Variants in PPL observed in about 807,000 individuals in gnomAD.
The protein encoded by PPL is periplakin.
Under a neutral mutation model 194.4 loss-of-function variants are expected in PPL, and 198 were observed. That is an observed-to-expected ratio of 1.02 (90% CI 0.91 to 1.15). PPL has a LOEUF of 1.15. PPL is among the 50% of genes most tolerant of loss of function. The pLI is 0.00. For synonymous variants in PPL, 1,220 were observed against 972.4 expected, an observed-to-expected ratio of 1.25 and a Z score of -4.74; for missense variants, 2,885 against 2,294.8, an observed-to-expected ratio of 1.26 and a Z score of -5.25.
chr16:4,936,021 C>T (rs1034401613), intron 1 of PPL, among the ~76,000 whole-genome samples: 14 of 152,186 alleles, frequency 9.2e-5, no homozygotes, highest in Admixed American at 2.6e-4. Flanking sequence ...AAGGCAGGGG[C>T]TGGATTCCCA....
At chr16:4,907,396 GTA>G (rs1277843030) in intron 2 of PPL, among the ~76,000 whole-genome samples, 1 of 151,878 alleles carries the variant, frequency 6.6e-6, no homozygotes, top group East Asian at 1.9e-4. Context: ...GACGTTCCTT[GTA>G]GGATCAGGTG....
At chr16:4,912,968 G>T (rs189574221) in intron 1 of PPL, among the ~76,000 whole-genome samples, 334 of 152,254 alleles carry the variant, frequency 2.2e-3, no homozygotes, top group Non-Finnish European at 4.0e-3. Flanking sequence ...GCTAGGTGTG[G>T]TGGCATGCGC....
rs146802142 is a variant in PPL at position 4,916,839 on chromosome 16, C to G, written c.63-5890G>C. 3.2e-3 allele frequency among the ~76,000 whole-genome samples: 489 copies of G among 152,088 alleles called. 3 individuals are homozygous for G. Among genetic ancestry groups the G allele is most frequent in the Middle Eastern group, 0.017 (5 of 294 alleles). ...ATATCTATCCAAGAGAAATGAAAAC[C>G]TATGTCTGGGCTGGATGCGGTGACT... On this transcript the variant is annotated intron_variant, in intron 1 of 21. Coordinates refer to ENST00000345988, the MANE Select transcript of PPL (RefSeq NM_002705.5).
intron 1 of PPL, among the ~76,000 whole-genome samples, chr16:4,920,217 G>T (rs1161395440): frequency 6.6e-6 from 1 of 151,394 alleles, no homozygotes; most frequent in African/African-American, 2.4e-5. Context: ...CTGGGAGGTG[G>T]AGGTTGCAGT....
In PPL at chr16:4,885,646, G is replaced by A. The variant is rs546873690; in HGVS notation, c.3009C>T (p.Asp1003=). ...GCAAGACCTCATCCGCCTGGGCCCTGTCAGGCTCGATGCGCAGGACCTCCT... is the reference window on the plus strand; with the variant it reads ...GCAAGACCTCATCCGCCTGGGCCCTATCAGGCTCGATGCGCAGGACCTCCT... The part of the protein sequence containing the change: ...VVKEVLRIEP[D]RAQADEVLQL... The change falls in exon 22 of 22, where the codon GAC becomes GAT. Residue 1003 remains aspartate, a synonymous_variant. Transcript: ENST00000345988. This position sits in a 1 kb window ranked among gnomAD's most constrained non-coding sequence, Gnocchi z 6.3. The A allele has an allele frequency of 1.9e-6, 3 of 1,612,650 alleles. No individual in the cohort carries two copies. Among genetic ancestry groups the A allele is most frequent in the African/African-American group, 2.7e-5 (2 of 74,874 alleles).
At chr16:4,893,078 A>G in intron 14 of PPL, 135 bp downstream of exon 14, 2 of 1,185,436 alleles carry the variant, frequency 1.7e-6, no homozygotes, top group Non-Finnish European at 2.3e-6. Flanking sequence ...ACCCTTTTAC[A>G]TGCAGCAGGC....
chr16:4,933,308 C>T (rs2142434490), intron 1 of PPL, among the ~76,000 whole-genome samples: 1 of 152,282 alleles, frequency 6.6e-6, no homozygotes, highest in Non-Finnish European at 1.5e-5. Flanking sequence ...CAGGGCGGCC[C>T]CAGTGTTGCA....
intron 1 of PPL, among the ~76,000 whole-genome samples, chr16:4,924,776 T>C (rs1020542659): frequency 1.3e-5 from 2 of 149,680 alleles, no homozygotes; most frequent in African/African-American, 2.4e-5. Flanking sequence ...CCATAGGCCA[T>C]GGGGCTGTGC....
chr16:4,890,021 G>A lies in PPL; in HGVS notation c.2313+163C>T, dbSNP rs1025425286. Among the ~76,000 whole-genome samples, 3 of 152,260 alleles carry A rather than the reference G, an allele frequency of 2.0e-5. 1 individual carries two copies. The highest frequency in any genetic ancestry group is 4.1e-4 in the South Asian group (2 of 4,834). On this transcript the variant is annotated intron_variant, in intron 18 of 21. Coordinates refer to ENST00000345988, the MANE Select transcript of PPL (RefSeq NM_002705.5). ...CACACTCGGTTCTTGTTCTCAGAGG[G>A]TTGGGTGTTGGGAGCTTGAGCTGAG... is the stretch of plus-strand genomic sequence containing the variant.
In PPL at chr16:4,883,817, C is replaced by T. The variant is rs1176659963; in HGVS notation, c.4838G>A (p.Trp1613Ter). The T allele has an allele frequency of 3.7e-6, 6 of 1,614,100 alleles. No individual in the cohort carries two copies. The highest frequency in any genetic ancestry group is 5.1e-6 in the Non-Finnish European group (6 of 1,180,016). ...DSGTNHDSRL[W>*]SLERELDDLK... ...GTCATCCAGTTCCCTCTCCAGGGACCACAGTCTGGAGTCATGGTTGGTCCC... is the reference window on the plus strand; with the variant it reads ...GTCATCCAGTTCCCTCTCCAGGGACTACAGTCTGGAGTCATGGTTGGTCCC... The change falls in exon 22 of 22, where the codon TGG becomes TAG. Residue 1613 changes from tryptophan to a stop codon, truncating the protein, a stop_gained. Transcript: ENST00000345988. LOFTEE classifies it high-confidence loss of function. The surrounding 1 kb of genome is among the most constrained non-coding windows in gnomAD (Gnocchi z 4.8).
rs1245076553 is a variant in PPL, at chr16:4,895,244, G to A, written c.1242+17C>T. On this transcript the variant is annotated intron_variant, in intron 11 of 21. Transcript: ENST00000345988. ...AAACTTTGTAGTGATGTGAACAGAG[G>A]AGCTGGCCCCACGCACCTGCTCCCC... 1.3e-6 allele frequency: 2 copies of A among 1,593,962 alleles called. No individual in the cohort carries two copies. The highest frequency in any genetic ancestry group is 1.7e-6 in the Non-Finnish European group (2 of 1,169,642).
chr16:4,915,680 A>G (rs750281496), intron 1 of PPL, among the ~76,000 whole-genome samples: 1 of 152,192 alleles, frequency 6.6e-6, no homozygotes, highest in African/African-American at 2.4e-5. Flanking sequence ...AATCACACCA[A>G]TAACAATCTC....
intron 1 of PPL, among the ~76,000 whole-genome samples, chr16:4,928,423 G>A (rs1043286008): frequency 1.3e-5 from 2 of 152,210 alleles, no homozygotes; most frequent in Admixed American, 6.5e-5. Context: ...TGTCCTGGCC[G>A]CCCCGCCCAT....
At chr16:4,926,013 C>T (rs1327679464) in intron 1 of PPL, among the ~76,000 whole-genome samples, 2 of 152,210 alleles carry the variant, frequency 1.3e-5, no homozygotes, top group Non-Finnish European at 2.9e-5. Flanking sequence ...AAGTTGTCCC[C>T]ACAAGGGACT....
At chr16:4,894,718 C>A in intron 11 of PPL, 100 bp from the exon 12 acceptor site, 1 of 1,381,172 alleles carries the variant, frequency 7.2e-7, no homozygotes, top group East Asian at 2.4e-5. Flanking sequence ...TGGGGAGCCC[C>A]GGCTCATCAC....
rs1382113493 is a variant in PPL, at chr16:4,892,046, C to G, written c.1818G>C (p.Leu606Phe). ...KYEHLLQLLD[L>F]AQEKVDVANR... ...TGTCTGCCACCCACTTCTCCTGGGC[C>G]AAGTCCAGCAGCTGCAGGAGGTGCT... The change falls in exon 15 of 22, where the codon TTG (leucine) becomes TTC (phenylalanine). Residue 606 changes from leucine (L) to phenylalanine (F), a missense_variant. Transcript: ENST00000345988. 1 of 1,613,422 alleles carries G rather than the reference C, an allele frequency of 6.2e-7. No homozygotes were observed. Among genetic ancestry groups the G allele is most frequent in the Admixed American group, 1.7e-5 (1 of 60,004 alleles).
At chr16:4,887,542 G>A (rs1206779379) in intron 20 of PPL, among the ~76,000 whole-genome samples, 1 of 152,164 alleles carries the variant, frequency 6.6e-6, no homozygotes, top group African/African-American at 2.4e-5. Context: ...TTACTGAGGT[G>A]AGCAAAACAG....
intron 18 of PPL, among the ~76,000 whole-genome samples, chr16:4,889,398 G>A (rs866334249): frequency 9.9e-5 from 15 of 151,630 alleles, no homozygotes; most frequent in Middle Eastern, 3.4e-3. Flanking sequence ...GGGACTACAG[G>A]CTCCTGCCAC....
At chr16:4,908,968 A>AG (rs2088761030) in intron 2 of PPL, among the ~76,000 whole-genome samples, 1 of 152,270 alleles carries the variant, frequency 6.6e-6, no homozygotes, top group Admixed American at 6.5e-5. Context: ...TAAGAAGGAA[A>AG]GAAATCCACC....
Sources: gnomAD v4.1 joint callset for allele counts (sites outside exome capture counted in the v4.1 genomes callset) on GRCh38, gnomAD v4.1.1 for gene constraint, Gnocchi (gnomAD v3.1) non-coding constraint, MANE v1.5 for transcripts, NCBI Gene and HGNC (gene_info 2026-07-23, HGNC 2026-07-21) for gene names.